Variants in SUGCT observed in about 807,000 individuals in gnomAD.
The protein encoded by SUGCT is succinyl-CoA:glutarate CoA-transferase.
Under a neutral mutation model 55.0 loss-of-function variants are expected in SUGCT, and 41 were observed. The ratio of observed to expected loss-of-function variants is 0.74; its 90% CI spans 0.58 to 0.97. SUGCT has a LOEUF of 0.97. Ranked by LOEUF, SUGCT falls within the 50% of genes least tolerant of loss-of-function variation. SUGCT has a pLI of 0.00. For synonymous variants in SUGCT, 187 were observed against 200.4 expected (o/e 0.93, Z 0.56); for missense variants, 568 against 547.8 (o/e 1.04, Z -0.37).
the SUGCT span, among the ~76,000 whole-genome samples, chr7:40,980,621 C>T: frequency 7.4e-5 from 11 of 149,304 alleles, no homozygotes; most frequent in South Asian, 2.2e-3. Context: ...GATAGACATT[C>T]GTACTGTAAA....
At chr7:40,778,442 A>G (rs995699337) in intron 13 of SUGCT, among the ~76,000 whole-genome samples, 4 of 152,252 alleles carry the variant, frequency 2.6e-5, no homozygotes, top group African/African-American at 9.6e-5. Flanking sequence ...TAAAATTTAC[A>G]TTTGTCTACC....
At chr7:40,839,992 T>C in intron 13 of SUGCT, among the ~76,000 whole-genome samples, 1 of 152,140 alleles carries the variant, frequency 6.6e-6, no homozygotes, top group Non-Finnish European at 1.5e-5. Flanking sequence ...GTTTTCTCAT[T>C]TTCTGCTTCC....
At chr7:40,366,001 T>C (rs1783937164) in intron 9 of SUGCT, among the ~76,000 whole-genome samples, 1 of 152,190 alleles carries the variant, frequency 6.6e-6, no homozygotes, top group Non-Finnish European at 1.5e-5. Context: ...TCACGCTACC[T>C]GACTTCAAAC....
At chr7:40,758,683 A>G (rs1022139663) in intron 13 of SUGCT, among the ~76,000 whole-genome samples, 1 of 152,058 alleles carries the variant, frequency 6.6e-6, no homozygotes, top group African/African-American at 2.4e-5. Flanking sequence ...TCATGTTGTC[A>G]TATCTTTATC....
intron 9 of SUGCT, among the ~76,000 whole-genome samples, chr7:40,329,022 C>T (rs1020326806): frequency 1.3e-5 from 2 of 152,130 alleles, no homozygotes; most frequent in Admixed American, 1.3e-4. Context: ...AAATAAATCA[C>T]ACAGGACTAG....
At chr7:40,320,998 A>G (rs1795697666) in intron 9 of SUGCT, among the ~76,000 whole-genome samples, 1 of 150,946 alleles carries the variant, frequency 6.6e-6, no homozygotes, top group South Asian at 2.1e-4. Context: ...TGTCCATGTT[A>G]TTTAGCTCCC....
At chr7:40,459,291 G>T in intron 11 of SUGCT, 93 bp downstream of exon 11, 1 of 806,326 alleles carries the variant, frequency 1.2e-6, no homozygotes. Flanking sequence ...GCTTATTTGA[G>T]ATCAATTTGT....
At chr7:40,279,782 T>G (rs1402693580) in intron 8 of SUGCT, among the ~76,000 whole-genome samples, 3 of 152,180 alleles carry the variant, frequency 2.0e-5, no homozygotes, top group Admixed American at 2.0e-4. Flanking sequence ...ACCTGCTTTA[T>G]GTAAATAAGG....
intron 12 of SUGCT, among the ~76,000 whole-genome samples, chr7:40,617,475 A>ATG (rs34487309): frequency 0.2 from 28,142 of 143,456 alleles, 2,743 homozygotes; most frequent in Non-Finnish European, 0.25. Flanking sequence ...TTAGATTTAT[A>ATG]TGTGTGTGTG....
At chr7:40,544,394 A>C (rs771476201) in intron 12 of SUGCT, among the ~76,000 whole-genome samples, 2 of 152,024 alleles carry the variant, frequency 1.3e-5, no homozygotes, top group African/African-American at 4.8e-5. Context: ...AGACATCCAC[A>C]CCCTCTGACC....
chr7:40,639,613 C>G (rs1182514225), intron 12 of SUGCT, among the ~76,000 whole-genome samples: 2 of 149,030 alleles, frequency 1.3e-5, no homozygotes, highest in Non-Finnish European at 3.0e-5. Context: ...TTCGTGGGTT[C>G]AAGCAATTCT....
At chr7:40,710,117 G>A (rs1354232795) in intron 12 of SUGCT, among the ~76,000 whole-genome samples, 1 of 152,152 alleles carries the variant, frequency 6.6e-6, no homozygotes, top group African/African-American at 2.4e-5. Context: ...TCCTAAAAAA[G>A]AATTCCTAGA....
At chr7:40,342,746 T>C (rs1797118883) in intron 9 of SUGCT, among the ~76,000 whole-genome samples, 1 of 151,966 alleles carries the variant, frequency 6.6e-6, no homozygotes. Flanking sequence ...AGGTTCAAGA[T>C]ATTATCCTGC....
At chr7:40,736,898 C>T (rs1256917907) in intron 12 of SUGCT, among the ~76,000 whole-genome samples, 6 of 151,938 alleles carry the variant, frequency 3.9e-5, no homozygotes, top group Non-Finnish European at 7.4e-5. Flanking sequence ...GAGAATATAG[C>T]CACTAAAGGA....
intron 12 of SUGCT, among the ~76,000 whole-genome samples, chr7:40,572,687 G>A (rs1796515529): frequency 6.6e-6 from 1 of 152,160 alleles, no homozygotes; most frequent in Non-Finnish European, 1.5e-5. Flanking sequence ...TTATCCTAAT[G>A]TTTAAAGTAT....
the SUGCT span, among the ~76,000 whole-genome samples, chr7:40,952,275 C>G: frequency 6.6e-6 from 1 of 152,046 alleles, no homozygotes; most frequent in East Asian, 1.9e-4. Flanking sequence ...AGGAATGCAA[C>G]CCCTGCCGTT....
At chr7:40,622,528 G>GTTTTTTT (rs370877783) in intron 12 of SUGCT, among the ~76,000 whole-genome samples, 154 of 81,780 alleles carry the variant, frequency 1.9e-3, no homozygotes, top group African/African-American at 4.5e-3. Flanking sequence ...TGTTGTGGTT[G>GTTTTTTT]TTTTTTTTTT....
At chr7:40,451,862 T>C (rs1040388784) in intron 10 of SUGCT, among the ~76,000 whole-genome samples, 1 of 152,200 alleles carries the variant, frequency 6.6e-6, no homozygotes, top group Admixed American at 6.5e-5. Context: ...CTCATATTTA[T>C]TTATTACTCA....
chr7:40,788,551 A>G (rs1487486385), intron 13 of SUGCT, among the ~76,000 whole-genome samples: 1 of 152,254 alleles, frequency 6.6e-6, no homozygotes, highest in Non-Finnish European at 1.5e-5. Context: ...AAGAAACAGA[A>G]GATATAAAGA....
Sources: gnomAD v4.1 joint callset for allele counts (sites outside exome capture counted in the v4.1 genomes callset) on GRCh38, gnomAD v4.1.1 for gene constraint, MANE v1.5 for transcripts, NCBI Gene and HGNC (gene_info 2026-07-23, HGNC 2026-07-21) for gene names.